Variants in FSTL5 observed in about 807,000 individuals in gnomAD.
The protein encoded by FSTL5 is follistatin-related protein 5.
A neutral mutation model predicts 89.1 loss-of-function variants in FSTL5; 62 were observed. The observed-to-expected ratio is 0.70, with a 90% CI of 0.57 to 0.86. The LOEUF (loss-of-function observed/expected upper bound fraction) is 0.86. Among genes scored for constraint, FSTL5 ranks in the 40% least tolerant of loss-of-function variants. FSTL5 has a pLI of 0.00. For synonymous variants in FSTL5, 383 were observed against 346.2 expected, an observed-to-expected ratio of 1.11 and a Z score of -1.18; for missense variants, 1,057 against 1,001.6, an observed-to-expected ratio of 1.06 and a Z score of -0.75.
chr4:161,789,183 CT>C (rs1237836890), intron 4 of FSTL5, among the ~76,000 whole-genome samples: 3 of 150,532 alleles, frequency 2.0e-5, no homozygotes, highest in African/African-American at 7.3e-5. Flanking sequence ...CTTTTTTTTC[CT>C]CTTAGGCTCT....
intron 4 of FSTL5, among the ~76,000 whole-genome samples, chr4:161,856,454 T>C (rs1041752912): frequency 6.6e-6 from 1 of 152,050 alleles, no homozygotes; most frequent in African/African-American, 2.4e-5. Flanking sequence ...TAAAAAGCCA[T>C]TTTGAAGCAA....
At position 162,021,875 on chromosome 4, in the gene FSTL5, G is replaced by A. The variant is rs143010569; in HGVS notation, c.160+11750C>T. 7.3e-3 allele frequency among the ~76,000 whole-genome samples: 1,107 copies of A among 152,010 alleles called. 5 individuals are homozygous for A. Among genetic ancestry groups the A allele is most frequent in the Non-Finnish European group, 9.2e-3 (624 of 67,962 alleles). On this transcript the variant is annotated intron_variant, in intron 3 of 15. Coordinates refer to ENST00000306100, the MANE Select transcript of FSTL5 (RefSeq NM_020116.5). ...TGGGAGGCCGAGGCGGGTGGATCACGAGGTCATAAGTTCAAGACCAGCCTG... is the reference window on the plus strand; with the variant it reads ...TGGGAGGCCGAGGCGGGTGGATCACAAGGTCATAAGTTCAAGACCAGCCTG...
chr4:161,450,433 C>T (rs566351567), intron 15 of FSTL5, among the ~76,000 whole-genome samples: 4 of 152,178 alleles, frequency 2.6e-5, no homozygotes, highest in Non-Finnish European at 5.9e-5. Context: ...TGAAGTTTAA[C>T]ACAAGCATTT....
At chr4:161,619,305 A>G (rs1370288992) in intron 7 of FSTL5, among the ~76,000 whole-genome samples, 1 of 152,198 alleles carries the variant, frequency 6.6e-6, no homozygotes, top group Non-Finnish European at 1.5e-5. Context: ...CCAAAACACC[A>G]AAAGCAATGG....
At chr4:161,508,402 C>T (rs972806496) in intron 11 of FSTL5, among the ~76,000 whole-genome samples, 14 of 152,044 alleles carry the variant, frequency 9.2e-5, no homozygotes, top group East Asian at 5.8e-4. Context: ...TACCCAAAGA[C>T]GCACACTTGT....
chr4:161,980,158 AG>A (rs1735778568), intron 3 of FSTL5, among the ~76,000 whole-genome samples: 1 of 147,260 alleles, frequency 6.8e-6, no homozygotes, highest in Admixed American at 6.7e-5. Context: ...ATAAAGATAA[AG>A]AAAGAAAGAA....
intron 3 of FSTL5, among the ~76,000 whole-genome samples, chr4:162,018,377 A>G (rs987448655): frequency 1.5e-4 from 23 of 152,288 alleles, no homozygotes; most frequent in Admixed American, 5.9e-4. Context: ...ACAGTGTTAG[A>G]ATATTGTTTT....
chr4:161,431,288 A>G (rs995661129), intron 15 of FSTL5, among the ~76,000 whole-genome samples: 1 of 152,158 alleles, frequency 6.6e-6, no homozygotes. Flanking sequence ...GAAACAACAA[A>G]AAGTTTTTTA....
At chr4:161,575,225 T>C (rs1733167281) in intron 8 of FSTL5, among the ~76,000 whole-genome samples, 1 of 152,058 alleles carries the variant, frequency 6.6e-6, no homozygotes, top group Non-Finnish European at 1.5e-5. Flanking sequence ...TTTAAATTCC[T>C]TGTAGATTCC....
intron 4 of FSTL5, among the ~76,000 whole-genome samples, chr4:161,868,452 G>A (rs1441368131): frequency 6.6e-6 from 1 of 152,064 alleles, no homozygotes; most frequent in Non-Finnish European, 1.5e-5. Flanking sequence ...TTTTAGTTTA[G>A]GTGCGTGTCT....
chr4:161,602,571 T>TA (rs1403259554), intron 7 of FSTL5, among the ~76,000 whole-genome samples: 1 of 152,108 alleles, frequency 6.6e-6, no homozygotes, highest in Non-Finnish European at 1.5e-5. Flanking sequence ...ATTAATATTT[T>TA]AAAAAGCCAG....
chr4:162,108,858 T>A (rs1332491666), intron 2 of FSTL5, among the ~76,000 whole-genome samples: 1 of 151,924 alleles, frequency 6.6e-6, no homozygotes, highest in African/African-American at 2.4e-5. Flanking sequence ...GATAAAGTCA[T>A]TTGTTCGCCA....
chr4:162,138,605 G>C (rs944595706), intron 1 of FSTL5, among the ~76,000 whole-genome samples: 8 of 152,100 alleles, frequency 5.3e-5, no homozygotes, highest in African/African-American at 1.9e-4. Flanking sequence ...TACCCATACT[G>C]TTTAGGATTG....
intron 8 of FSTL5, among the ~76,000 whole-genome samples, chr4:161,543,341 G>C (rs1182483952): frequency 6.6e-6 from 1 of 151,848 alleles, no homozygotes; most frequent in East Asian, 1.9e-4. Flanking sequence ...TGGTAACATG[G>C]TACAAACTGG....
At chr4:161,767,468 C>T (rs758649921) in intron 5 of FSTL5, among the ~76,000 whole-genome samples, 4 of 152,092 alleles carry the variant, frequency 2.6e-5, no homozygotes, top group Non-Finnish European at 4.4e-5. Context: ...CAATTTAGAC[C>T]GTAGCTTTTC....
intron 11 of FSTL5, among the ~76,000 whole-genome samples, chr4:161,502,206 G>A (rs1730316337): frequency 6.6e-6 from 1 of 151,732 alleles, no homozygotes; most frequent in Non-Finnish European, 1.5e-5. Flanking sequence ...CTTTTATTAG[G>A]TTGTTTTACC....
intron 10 of FSTL5, among the ~76,000 whole-genome samples, chr4:161,527,207 G>C (rs993049685): frequency 2.3e-4 from 35 of 152,268 alleles, no homozygotes; most frequent in African/African-American, 8.2e-4. Flanking sequence ...TGAAGCAATT[G>C]TGAATGGGAG....
intron 2 of FSTL5, among the ~76,000 whole-genome samples, chr4:162,054,010 T>C (rs1261051586): frequency 1.3e-5 from 2 of 151,790 alleles, no homozygotes; most frequent in Admixed American, 1.3e-4. Flanking sequence ...TAAAATATTA[T>C]GGATCAATTT....
At chr4:161,445,229 G>C (rs1298466623) in intron 15 of FSTL5, among the ~76,000 whole-genome samples, 1 of 151,872 alleles carries the variant, frequency 6.6e-6, no homozygotes, top group Non-Finnish European at 1.5e-5. Context: ...CTCTATGTTG[G>C]ACCATACGAA....
Sources: allele counts gnomAD v4.1 joint callset (sites outside exome capture counted in the v4.1 genomes callset), GRCh38; gene constraint gnomAD v4.1.1; transcripts MANE v1.5; gene names NCBI Gene and HGNC (gene_info 2026-07-23, HGNC 2026-07-21).